The following PABPC4L variants were observed in gnomAD, a reference collection of about 807,000 sequenced individuals.
PABPC4L encodes polyadenylate-binding protein 4-like.
For synonymous variants in PABPC4L, 169 were observed against 164.1 expected, an observed-to-expected ratio of 1.03 and a Z score of -0.23; for missense variants, 452 against 451.4, an observed-to-expected ratio of 1.00 and a Z score of -0.01.
the PABPC4L span, among the ~76,000 whole-genome samples, chr4:134,157,721 T>C: frequency 1.3e-5 from 2 of 151,908 alleles, no homozygotes; most frequent in African/African-American, 4.8e-5. Flanking sequence ...ATTTGAGTAG[T>C]ACATATCAGT....
the PABPC4L span, among the ~76,000 whole-genome samples, chr4:134,047,889 A>T: frequency 6.7e-6 from 1 of 149,798 alleles, no homozygotes; most frequent in South Asian, 2.1e-4. Context: ...TTTTAAAGGG[A>T]GTTGGAGAAG....
At chr4:134,050,337 T>C in the PABPC4L span, among the ~76,000 whole-genome samples, 5 of 152,008 alleles carry the variant, frequency 3.3e-5, no homozygotes, top group Non-Finnish European at 5.9e-5. Flanking sequence ...TGAATGACAA[T>C]GAAATAATAT....
chr4:134,029,016 C>G, the PABPC4L span, among the ~76,000 whole-genome samples: 1 of 152,002 alleles, frequency 6.6e-6, no homozygotes, highest in Non-Finnish European at 1.5e-5. Context: ...AAGAAGGATA[C>G]TTTGGAAGGC....
At chr4:134,079,763 A>T in the PABPC4L span, among the ~76,000 whole-genome samples, 1 of 151,900 alleles carries the variant, frequency 6.6e-6, no homozygotes, top group Non-Finnish European at 1.5e-5. Flanking sequence ...ATGAAATCTC[A>T]TCTTACTGAA....
the PABPC4L span, among the ~76,000 whole-genome samples, chr4:134,010,167 T>A: frequency 6.6e-6 from 1 of 152,186 alleles, no homozygotes; most frequent in African/African-American, 2.4e-5. Flanking sequence ...TATACTTAAG[T>A]CAAAATATTA....
At chr4:134,102,535 C>T in the PABPC4L span, among the ~76,000 whole-genome samples, 2 of 151,484 alleles carry the variant, frequency 1.3e-5, no homozygotes, top group South Asian at 2.1e-4. Flanking sequence ...TGGAAAACTC[C>T]GCCTCAAAGG....
the PABPC4L span, among the ~76,000 whole-genome samples, chr4:134,186,868 A>C: frequency 6.6e-6 from 1 of 152,294 alleles, no homozygotes; most frequent in East Asian, 1.9e-4. Flanking sequence ...CAACCCCATC[A>C]AAAAGTGGGC....
At chr4:133,970,517 A>C in the PABPC4L span, among the ~76,000 whole-genome samples, 1 of 152,194 alleles carries the variant, frequency 6.6e-6, no homozygotes, top group African/African-American at 2.4e-5. Flanking sequence ...GGCACTTTTA[A>C]TTAAATATGT....
At chr4:134,098,225 G>A in the PABPC4L span, among the ~76,000 whole-genome samples, 12 of 151,726 alleles carry the variant, frequency 7.9e-5, 1 homozygote, top group East Asian at 1.6e-3. Context: ...TGGACATAGC[G>A]CTAGCACTCC....
At chr4:134,134,637 ATAATC>A in the PABPC4L span, among the ~76,000 whole-genome samples, 2 of 150,654 alleles carry the variant, frequency 1.3e-5, no homozygotes, top group East Asian at 1.9e-4. Context: ...CTTCATTATT[ATAATC>A]TAGTCAGCCA....
the PABPC4L span, among the ~76,000 whole-genome samples, chr4:134,094,756 G>T: frequency 6.6e-6 from 1 of 151,436 alleles, no homozygotes; most frequent in Non-Finnish European, 1.5e-5. Flanking sequence ...TTTTAAAATA[G>T]TGTTACCCAT....
chr4:134,132,683 A>C, the PABPC4L span, among the ~76,000 whole-genome samples: 5 of 151,778 alleles, frequency 3.3e-5, no homozygotes, highest in Admixed American at 2.0e-4. Context: ...TAGATCTACC[A>C]GTTGATCCAG....
the PABPC4L span, among the ~76,000 whole-genome samples, chr4:134,171,455 C>A: frequency 6.6e-6 from 1 of 152,056 alleles, no homozygotes; most frequent in African/African-American, 2.4e-5. Context: ...GTACTTTGCC[C>A]ACTTTTAAAT....
At chr4:133,952,442 A>G in the PABPC4L span, among the ~76,000 whole-genome samples, 1 of 152,094 alleles carries the variant, frequency 6.6e-6, no homozygotes, top group Non-Finnish European at 1.5e-5. Flanking sequence ...TTTGATTTAT[A>G]TCCCTTAGAT....
At chr4:134,058,883 A>G in the PABPC4L span, among the ~76,000 whole-genome samples, 2 of 152,050 alleles carry the variant, frequency 1.3e-5, no homozygotes, top group South Asian at 2.1e-4. Flanking sequence ...GTGAAATTAT[A>G]GAAGAGTAAA....
the PABPC4L span, among the ~76,000 whole-genome samples, chr4:133,998,927 T>C: frequency 2.6e-5 from 4 of 151,996 alleles, no homozygotes; most frequent in African/African-American, 9.7e-5. Context: ...ATGCCAGCTA[T>C]TTTTTTATTT....
chr4:134,091,587 C>T, the PABPC4L span, among the ~76,000 whole-genome samples: 12 of 151,684 alleles, frequency 7.9e-5, no homozygotes, highest in Non-Finnish European at 1.3e-4. Flanking sequence ...GTAAATTCCT[C>T]TGATATTTTC....
At chr4:134,022,753 A>T in the PABPC4L span, among the ~76,000 whole-genome samples, 1 of 151,872 alleles carries the variant, frequency 6.6e-6, no homozygotes, top group East Asian at 1.9e-4. Flanking sequence ...TAGCCTTAAG[A>T]TATTCTCATG....
the PABPC4L span, among the ~76,000 whole-genome samples, chr4:134,120,988 T>G: frequency 6.6e-6 from 1 of 151,396 alleles, no homozygotes; most frequent in Non-Finnish European, 1.5e-5. Context: ...TTCTTTTTAG[T>G]GCTTTATTTT....
Sources: allele counts gnomAD v4.1 joint callset (sites outside exome capture counted in the v4.1 genomes callset), GRCh38; gene constraint gnomAD v4.1.1; transcripts MANE v1.5; gene names NCBI Gene and HGNC (gene_info 2026-07-23, HGNC 2026-07-21).